Variants in TRPV1 observed in about 807,000 individuals in gnomAD.
The protein encoded by TRPV1 is transient receptor potential cation channel subfamily V member 1.
Under a neutral mutation model 82.3 loss-of-function variants are expected in TRPV1, and 82 were observed. The observed-to-expected ratio is 1.00, with a 90% CI of 0.83 to 1.20. The LOEUF (loss-of-function observed/expected upper bound fraction) is 1.20. Among genes scored for constraint, TRPV1 ranks in the 50% most tolerant of loss-of-function variants. The pLI is 0.00. For missense variants in TRPV1, 1,067 were observed against 1,096.8 expected (o/e 0.97, Z 0.38); for synonymous variants, 515 against 467.7 (o/e 1.10, Z -1.30).
rs1431696457 is a variant in TRPV1, at chr17:3,565,647, G to A, written c.*1168C>T. 2 of 152,244 alleles carry A rather than the reference G, an allele frequency of 1.3e-5. No homozygotes were observed. Among genetic ancestry groups the A allele is most frequent in the East Asian group, 3.8e-4 (2 of 5,198 alleles). 9.4% of individuals were successfully genotyped at this position (152,244 alleles called of 1,614,324 possible). A position where few individuals can be genotyped will look rare whatever the true frequency, so the allele number is the denominator to read the frequency against. On this transcript the variant is annotated 3_prime_UTR_variant, in exon 17 of 17. Coordinates refer to ENST00000572705, the MANE Select transcript of TRPV1 (RefSeq NM_080704.4). ...TTCTGGAGACTGTGATTGATCGTAAGGAAGGATGAAGAAGGCACTGCTGCA... is the reference window on the plus strand; with the variant it reads ...TTCTGGAGACTGTGATTGATCGTAAAGAAGGATGAAGAAGGCACTGCTGCA...
intron 9 of TRPV1, among the ~76,000 whole-genome samples, chr17:3,583,879 C>G (rs138200784): frequency 6.6e-6 from 1 of 152,194 alleles, no homozygotes; most frequent in Non-Finnish European, 1.5e-5. Flanking sequence ...GTGGGTGTCA[C>G]CCTTGTATTT....
At chr17:3,567,746 A>G (rs1452744031) in intron 16 of TRPV1, among the ~76,000 whole-genome samples, 1 of 151,588 alleles carries the variant, frequency 6.6e-6, no homozygotes, top group Non-Finnish European at 1.5e-5. Context: ...ACTGGGTGAC[A>G]GCCTGGGCGA....
In TRPV1 at chr17:3,566,904, C is replaced by T. The variant is rs200350938; in HGVS notation, c.2431G>A (p.Glu811Lys). The change falls in exon 17 of 17, where the codon GAG becomes AAG. Residue 811 changes from glutamate to lysine, a missense_variant. Coordinates refer to ENST00000572705, the MANE Select transcript of TRPV1 (RefSeq NM_080704.4). ...GAAAACTGTCGCAGATAAACTTCCT[C>T]GGGCTGAGCAGACTGCCTATCTCGA... ...SARDRQSAQP[E>K]EVYLRQFSGS... 7.2e-4 allele frequency: 1,170 copies of T among 1,613,982 alleles called. 14 individuals carry two copies. In the South Asian group the frequency reaches 0.012, roughly 16 times the overall value.
At chr17:3,569,150 A>G (rs1181850305) in intron 16 of TRPV1, among the ~76,000 whole-genome samples, 2 of 152,184 alleles carry the variant, frequency 1.3e-5, no homozygotes, top group African/African-American at 2.4e-5. Flanking sequence ...ACAGCATTAG[A>G]AGATATACCT....
intron 16 of TRPV1, among the ~76,000 whole-genome samples, chr17:3,568,829 A>G (rs554655785): frequency 6.6e-6 from 1 of 152,266 alleles, no homozygotes; most frequent in South Asian, 2.1e-4. Context: ...ATCACCTGAG[A>G]TCAGGAGTTC....
intron 11 of TRPV1, 94 bp downstream of exon 11, chr17:3,580,363 C>G (rs2074990264): frequency 1.5e-6 from 2 of 1,305,608 alleles, no homozygotes; most frequent in Admixed American, 1.7e-5. Context: ...TGAGGTCCCA[C>G]TATGTGCCAG....
chr17:3,569,583 TAAA>T (rs1484657188), intron 16 of TRPV1, among the ~76,000 whole-genome samples: 2 of 152,172 alleles, frequency 1.3e-5, no homozygotes, highest in South Asian at 4.1e-4. Context: ...GCCTTTGAGT[TAAA>T]GAAGAAGAAA....
chr17:3,596,470 CA>C (rs1252499635), intron 2 of TRPV1, among the ~76,000 whole-genome samples: 1 of 152,190 alleles, frequency 6.6e-6, no homozygotes, highest in Non-Finnish European at 1.5e-5. Context: ...GGGTGAAGAA[CA>C]AAGAGATAGG....
chr17:3,577,904 G>T, intron 11 of TRPV1, 141 bp from the exon 12 acceptor site: 1 of 736,098 alleles, frequency 1.4e-6, no homozygotes, highest in Non-Finnish European at 2.2e-6. Flanking sequence ...GACTCTTTCA[G>T]CCCAGGCGTT....
At chr17:3,596,898 AG>A (rs2150855589) in intron 2 of TRPV1, 1 of 152,460 alleles carries the variant, frequency 6.6e-6, no homozygotes, top group African/African-American at 2.4e-5. Flanking sequence ...ATTGGCCATC[AG>A]ACAAAGAAAG....
chr17:3,592,238 G>A lies in TRPV1; in HGVS notation c.113C>T (p.Pro38Leu), dbSNP rs1467642409. ...GCGGCTCTTGGCCGTGGAGAGCTGG[G>A]GCTTGGCTGGAGGTGGCCTGGAGTT... ...DPNSRPPPAK[P>L]QLSTAKSRTR... Residue 38 changes from proline (P) to leucine (L), a missense_variant, in exon 3 of 17, where the codon CCC becomes CTC. Transcript: ENST00000572705. 6.2e-7 allele frequency: 1 copy of A among 1,611,044 alleles called. No individual in the cohort carries two copies. Among genetic ancestry groups the A allele is most frequent in the Non-Finnish European group, 8.5e-7 (1 of 1,178,658 alleles).
intron 10 of TRPV1, among the ~76,000 whole-genome samples, chr17:3,582,171 A>C (rs224532): frequency 0.016 from 2,068 of 131,144 alleles, 29 homozygotes; most frequent in Non-Finnish European, 0.026. Flanking sequence ...GCCTGGGCGA[A>C]AGAGTGAGAC....
intron 16 of TRPV1, among the ~76,000 whole-genome samples, chr17:3,570,422 A>G (rs1395501067): frequency 1.3e-5 from 2 of 152,122 alleles, no homozygotes; most frequent in Non-Finnish European, 2.9e-5. Flanking sequence ...GTGTTGTACA[A>G]TAATGTAAAT....
chr17:3,605,970 T>TATTA (rs57843647), intron 2 of TRPV1, among the ~76,000 whole-genome samples: 5,056 of 152,002 alleles, frequency 0.033, 101 homozygotes, highest in Middle Eastern at 0.082. Context: ...TTTATTTATT[T>TATTA]ATTTTAAAGA....
intron 2 of TRPV1, among the ~76,000 whole-genome samples, chr17:3,599,573 T>C (rs532474354): frequency 6.6e-6 from 1 of 150,880 alleles, no homozygotes; most frequent in South Asian, 2.1e-4. Flanking sequence ...TCACTTAGCA[T>C]AATTTCCTCA....
At position 3,566,779 on chromosome 17, in the gene TRPV1, A is replaced by G; in HGVS notation, c.*36T>C. ...CCCCCCGTGGCAACGGGGTCTCCTA[A>G]GGCCCAGTGTTGACAGTGCTGTCTG... On this transcript the variant is annotated 3_prime_UTR_variant, in exon 17 of 17. Transcript: ENST00000572705. 1 of 1,605,306 alleles carries G rather than the reference A, an allele frequency of 6.2e-7. No homozygotes were observed. Among genetic ancestry groups the G allele is most frequent in the Non-Finnish European group, 8.5e-7 (1 of 1,175,216 alleles).
At chr17:3,571,326 G>A (rs1055154748) in intron 16 of TRPV1, among the ~76,000 whole-genome samples, 198 bp downstream of exon 16, 29 of 152,206 alleles carry the variant, frequency 1.9e-4, no homozygotes, top group African/African-American at 7.0e-4. Context: ...GCCATCAGCC[G>A]TCAGCCGTGA....
intron 10 of TRPV1, among the ~76,000 whole-genome samples, chr17:3,582,946 CAAAA>C (rs34771586): frequency 3.1e-5 from 4 of 129,096 alleles, no homozygotes; most frequent in African/African-American, 3.3e-5. Context: ...AACTCCACCT[CAAAA>C]AAAAAAAAAA....
intron 16 of TRPV1, among the ~76,000 whole-genome samples, chr17:3,569,266 TA>T (rs757934292): frequency 2.2e-4 from 33 of 146,790 alleles, no homozygotes; most frequent in Non-Finnish European, 2.1e-4. Flanking sequence ...TAAAGTATAA[TA>T]AAAAAAAAAA....
Sources: gnomAD v4.1 joint callset for allele counts (sites outside exome capture counted in the v4.1 genomes callset) on GRCh38, gnomAD v4.1.1 for gene constraint, MANE v1.5 for transcripts, NCBI Gene and HGNC (gene_info 2026-07-23, HGNC 2026-07-21) for gene names.